ADGB: variants seen among roughly 807,000 people sequenced by gnomAD.
ADGB encodes the protein calpain-7-like protein.
A neutral mutation model predicts 210.5 loss-of-function variants in ADGB; 172 were observed. The observed-to-expected ratio is 0.82, with a 90% confidence interval of 0.72 to 0.93. ADGB has a LOEUF of 0.93. Among genes scored for constraint, ADGB ranks in the 40% least tolerant of loss-of-function variants. The probability of loss-of-function intolerance (pLI) is 0.00; values close to 1 mark genes in which losing one functional copy is unlikely to be tolerated. For missense variants in ADGB, 2,025 were observed against 1,964.8 expected (o/e 1.03, Z -0.58); for synonymous variants, 658 against 662.7 (o/e 0.99, Z 0.11).
intron 35 of ADGB, among the ~76,000 whole-genome samples, chr6:146,813,813 C>A (rs1778339694): frequency 6.6e-6 from 1 of 152,148 alleles, no homozygotes; most frequent in Non-Finnish European, 1.5e-5. Context: ...ATTTTATCCC[C>A]ATTTCCTCCC....
chr6:146,671,040 A>G (rs1187343572), intron 7 of ADGB, among the ~76,000 whole-genome samples: 1 of 152,162 alleles, frequency 6.6e-6, no homozygotes. Flanking sequence ...TCCCAGAAAA[A>G]CATGTGGTTC....
At chr6:146,601,856 T>G (rs1243782270) in intron 1 of ADGB, among the ~76,000 whole-genome samples, 1 of 152,234 alleles carries the variant, frequency 6.6e-6, no homozygotes, top group East Asian at 1.9e-4. Context: ...AAAGTCACCA[T>G]GTGCTTACTA....
At chr6:146,782,255 T>G in intron 30 of ADGB, 63 bp downstream of exon 30, 1 of 1,385,766 alleles carries the variant, frequency 7.2e-7, no homozygotes, top group Non-Finnish European at 9.5e-7. Flanking sequence ...GATTCCTATT[T>G]GCCTATCTCG....
In ADGB at chr6:146,782,170, A is replaced by AAGC. The variant is rs1777810792; in HGVS notation, c.4015_4017dup (p.Ala1339dup). 3.9e-6 allele frequency: 6 copies of AAGC among 1,537,012 alleles called. No individual in the cohort carries two copies. The highest frequency in any genetic ancestry group is 5.3e-6 in the Non-Finnish European group (6 of 1,142,438). On this transcript the variant is annotated inframe_insertion, in exon 30 of 36. Coordinates refer to ENST00000397944, the MANE Select transcript of ADGB (RefSeq NM_024694.4). ...AAAGAAAAGACAGCCAAAGAAAAAC[A>AAGC]AGCACCTCGCTTTGAGCCTCAGGTG...
In ADGB at chr6:146,746,175, A is replaced by T. The variant is rs576628291; in HGVS notation, c.3365+66A>T. The T allele has an allele frequency of 6.8e-6, 8 of 1,177,554 alleles. No homozygotes were observed. The East Asian group carries it at 1.0e-4, about 15-fold the overall frequency. 72.9% of individuals were successfully genotyped at this position (1,177,554 alleles called of 1,614,324 possible). A position where few individuals can be genotyped will look rare whatever the true frequency, so the allele number is the denominator to read the frequency against. ...AATATTAATATTTTAGGATAAAAAT[A>T]AATTCTGCAGTAAAATCCTGAGTCG... On this transcript the variant is annotated intron_variant, in intron 26 of 35. Coordinates refer to ENST00000397944, the MANE Select transcript of ADGB (RefSeq NM_024694.4).
chr6:146,721,491 G>T lies in ADGB; in HGVS notation c.2081G>T (p.Trp694Leu), dbSNP rs1473224210. 7 of 1,544,148 alleles carry T rather than the reference G, an allele frequency of 4.5e-6. No individual in the cohort carries two copies. Among genetic ancestry groups the T allele is most frequent in the East Asian group, 4.9e-5 (2 of 40,856 alleles). ...GTTTGCTTTTCTGCATTGGTACGCTGGGGGGAGTATGGAGGTAAGAGGGCT... is the reference window on the plus strand; with the variant it reads ...GTTTGCTTTTCTGCATTGGTACGCTTGGGGGAGTATGGAGGTAAGAGGGCT... ...LLVCFSALVR[W>L]GEYGALTKDS... Residue 694 changes from tryptophan to leucine, a missense_variant, in exon 17 of 36, where the codon TGG (tryptophan) becomes TTG (leucine). Trp to Leu is a moderately conservative substitution (Grantham distance 61). Coordinates refer to ENST00000397944, the MANE Select transcript of ADGB (RefSeq NM_024694.4).
chr6:146,765,284 C>A (rs974052541), intron 28 of ADGB, among the ~76,000 whole-genome samples: 3 of 151,420 alleles, frequency 2.0e-5, no homozygotes, highest in Non-Finnish European at 4.4e-5. Flanking sequence ...GATTTTTAAC[C>A]CATGCCTCGT....
chr6:146,814,848 A>AACC (rs1778359184), intron 35 of ADGB, among the ~76,000 whole-genome samples, 184 bp from the exon 36 acceptor site: 1 of 152,056 alleles, frequency 6.6e-6, no homozygotes, highest in Admixed American at 6.5e-5. Context: ...AAATCTCATG[A>AACC]TTTTGTCGCT....
chr6:146,610,697 G>A (rs561173128), intron 1 of ADGB, among the ~76,000 whole-genome samples: 1 of 152,258 alleles, frequency 6.6e-6, no homozygotes, highest in Admixed American at 6.5e-5. Flanking sequence ...GTTCCTTGAG[G>A]TTAAGCACCT....
At chr6:146,651,037 T>A (rs555086414) in intron 3 of ADGB, among the ~76,000 whole-genome samples, 1 of 152,306 alleles carries the variant, frequency 6.6e-6, no homozygotes, top group South Asian at 2.1e-4. Flanking sequence ...CTTACCCAGT[T>A]CTTGAAGCCT....
intron 27 of ADGB, among the ~76,000 whole-genome samples, chr6:146,758,154 A>C (rs558929518): frequency 1.3e-5 from 2 of 152,028 alleles, no homozygotes; most frequent in African/African-American, 2.4e-5. Context: ...TCTCATTCAA[A>C]CTTGCCCAAC....
At chr6:146,724,054 G>T in intron 17 of ADGB, 132 bp from the exon 18 acceptor site, 1 of 737,908 alleles carries the variant, frequency 1.4e-6, no homozygotes, top group South Asian at 2.7e-5. Context: ...AATGTTTTAT[G>T]AACATTTTAG....
intron 3 of ADGB, among the ~76,000 whole-genome samples, chr6:146,646,501 G>GT (rs2114873749): frequency 1.3e-5 from 2 of 152,192 alleles, no homozygotes; most frequent in African/African-American, 4.8e-5. Flanking sequence ...AAGTTTTATT[G>GT]TGTTGAGCTA....
intron 13 of ADGB, among the ~76,000 whole-genome samples, chr6:146,703,819 A>C (rs1776528948): frequency 6.6e-6 from 1 of 151,588 alleles, no homozygotes; most frequent in Non-Finnish European, 1.5e-5. Context: ...TCCTTTGGAT[A>C]CACACTCAGA....
chr6:146,762,892 C>T (rs561021503), intron 27 of ADGB, among the ~76,000 whole-genome samples: 32 of 152,296 alleles, frequency 2.1e-4, no homozygotes, highest in African/African-American at 7.2e-4. Context: ...CACAGCCCCC[C>T]AGTAGTTATT....
At position 146,809,264 on chromosome 6, in the gene ADGB, G is replaced by A. The variant is rs141352726; in HGVS notation, c.4819-5768G>A. Reference sequence around the variant, plus strand: ...CTTGTTGCCTAGGCTAGAGTGCAATGGCGCAATCTCGGCTCAATGCAAACC... The same window carrying A: ...CTTGTTGCCTAGGCTAGAGTGCAATAGCGCAATCTCGGCTCAATGCAAACC... On this transcript the variant is annotated intron_variant, in intron 35 of 35. Coordinates refer to ENST00000397944, the MANE Select transcript of ADGB (RefSeq NM_024694.4). 8.4e-3 allele frequency among the ~76,000 whole-genome samples: 1,276 copies of A among 152,316 alleles called. 16 individuals carry two copies. The highest frequency in any genetic ancestry group is 0.029 in the African/African-American group (1,198 of 41,566).
At chr6:146,727,636 G>C (rs1488255817) in intron 19 of ADGB, among the ~76,000 whole-genome samples, 2 of 152,132 alleles carry the variant, frequency 1.3e-5, no homozygotes, top group Non-Finnish European at 2.9e-5. Flanking sequence ...GATTGTTGGA[G>C]CTCAAGTCCA....
chr6:146,698,320 T>C (rs1170306744), intron 12 of ADGB, among the ~76,000 whole-genome samples: 1 of 152,228 alleles, frequency 6.6e-6, no homozygotes, highest in East Asian at 1.9e-4. Flanking sequence ...GGCCATTAAA[T>C]ATGGCTTTAG....
At chr6:146,712,075 T>A (rs373397024) in intron 13 of ADGB, among the ~76,000 whole-genome samples, 3 of 152,020 alleles carry the variant, frequency 2.0e-5, no homozygotes, top group African/African-American at 7.2e-5. Flanking sequence ...AAAATGACAT[T>A]CTGATATTCT....
Sources: gnomAD v4.1 joint callset for allele counts (sites outside exome capture counted in the v4.1 genomes callset) on GRCh38, gnomAD v4.1.1 for gene constraint, MANE v1.5 for transcripts, NCBI Gene and HGNC (gene_info 2026-07-23, HGNC 2026-07-21) for gene names.